Variants in CDH12 observed in about 807,000 individuals in gnomAD.
CDH12 encodes the protein cadherin-12.
In CDH12, 41 loss-of-function variants were observed where a neutral mutation model predicts 74.1. The ratio of observed to expected loss-of-function variants is 0.55; its 90% CI spans 0.43 to 0.72. CDH12 has a LOEUF of 0.72. Among genes scored for constraint, CDH12 ranks in the 30% least tolerant of loss-of-function variants. CDH12 has a pLI of 0.00. For missense variants in CDH12, 945 were observed against 977.2 expected (o/e 0.97, Z 0.44); for synonymous variants, 399 against 355.0 (o/e 1.12, Z -1.39).
At chr5:22,245,309 G>C (rs193245530) in intron 3 of CDH12, among the ~76,000 whole-genome samples, 146 of 152,226 alleles carry the variant, frequency 9.6e-4, no homozygotes, top group African/African-American at 3.2e-3. Context: ...AGATGGCTTT[G>C]AGCAGCATCA....
intron 1 of CDH12, among the ~76,000 whole-genome samples, chr5:22,753,789 C>T (rs1445773918): frequency 6.6e-6 from 1 of 151,694 alleles, no homozygotes. Context: ...CTCTTTTGGT[C>T]CTCTAAATTT....
chr5:22,263,967 T>C (rs927291912), intron 3 of CDH12, among the ~76,000 whole-genome samples: 12 of 152,180 alleles, frequency 7.9e-5, no homozygotes, highest in African/African-American at 2.4e-4. Context: ...TGCCATTTGC[T>C]AATTTCTTTT....
At chr5:21,846,621 T>G (rs1337331588) in intron 7 of CDH12, among the ~76,000 whole-genome samples, 1 of 152,176 alleles carries the variant, frequency 6.6e-6, no homozygotes, top group Non-Finnish European at 1.5e-5. Flanking sequence ...GATTTTATTC[T>G]CATTTTTTTC....
At chr5:22,231,375 T>A (rs1752378097) in intron 3 of CDH12, among the ~76,000 whole-genome samples, 1 of 151,670 alleles carries the variant, frequency 6.6e-6, no homozygotes, top group African/African-American at 2.4e-5. Flanking sequence ...GTTTTCTTAA[T>A]TATTTTAATG....
chr5:22,830,284 A>G, intron 1 of CDH12, among the ~76,000 whole-genome samples: 1 of 152,194 alleles, frequency 6.6e-6, no homozygotes, highest in Non-Finnish European at 1.5e-5. Context: ...TAATAGGTAT[A>G]TGAAAATAAC....
Position 22,758,473 on chromosome 5 carries a change from G to A in CDH12, c.-523+94585C>T, listed in dbSNP as rs150779616. Among the ~76,000 whole-genome samples the A allele has an allele frequency of 2.0e-5, 3 of 150,906 alleles. No homozygotes were observed. In the East Asian group the frequency reaches 5.8e-4, roughly 29 times the overall value. On this transcript the variant is annotated intron_variant, in intron 1 of 14. Transcript: ENST00000382254. Reference sequence around the variant, plus strand: ...ATTCCCAGATGAAAACTACGAAGTTGTAAACTATAAAAGGGAAGATTAAAC... The same window carrying A: ...ATTCCCAGATGAAAACTACGAAGTTATAAACTATAAAAGGGAAGATTAAAC...
intron 1 of CDH12, among the ~76,000 whole-genome samples, chr5:22,766,272 A>G (rs1746509777): frequency 6.6e-6 from 1 of 152,042 alleles, no homozygotes. Context: ...TATCTTAGAA[A>G]AATATTTGCA....
chr5:22,723,513 A>C (rs1744006659), intron 1 of CDH12, among the ~76,000 whole-genome samples: 1 of 152,094 alleles, frequency 6.6e-6, no homozygotes, highest in Admixed American at 6.6e-5. Context: ...TCAAGAGCTA[A>C]GAGTTAAGAT....
chr5:22,335,696 T>C (rs1580535581), intron 3 of CDH12, among the ~76,000 whole-genome samples: 1 of 152,154 alleles, frequency 6.6e-6, no homozygotes, highest in Non-Finnish European at 1.5e-5. Context: ...CCTTCCACCA[T>C]GTTTGTGAGG....
intron 4 of CDH12, among the ~76,000 whole-genome samples, chr5:22,104,130 T>C (rs757180487): frequency 5.9e-5 from 9 of 152,186 alleles, no homozygotes; most frequent in Non-Finnish European, 1.3e-4. Context: ...GCTAATCAAA[T>C]AGTAACAGAA....
intron 1 of CDH12, among the ~76,000 whole-genome samples, chr5:22,623,852 G>C (rs1738120625): frequency 1.3e-5 from 2 of 152,150 alleles, no homozygotes; most frequent in African/African-American, 4.8e-5. Context: ...AGCCCGCATT[G>C]CCAAGACAAT....
chr5:22,460,219 A>G (rs1418576308), intron 2 of CDH12, among the ~76,000 whole-genome samples: 4 of 152,156 alleles, frequency 2.6e-5, no homozygotes, highest in African/African-American at 7.2e-5. Context: ...CTGTAATATA[A>G]TTTATTTTTT....
At chr5:22,206,791 T>C (rs1378236642) in intron 4 of CDH12, among the ~76,000 whole-genome samples, 3 of 151,046 alleles carry the variant, frequency 2.0e-5, no homozygotes, top group African/African-American at 7.3e-5. Flanking sequence ...GATAACTTTG[T>C]CAAAATTTAT....
At chr5:22,254,447 A>T (rs1206219672) in intron 3 of CDH12, among the ~76,000 whole-genome samples, 1 of 151,828 alleles carries the variant, frequency 6.6e-6, no homozygotes, top group Admixed American at 6.6e-5. Context: ...ACCAAGAAAA[A>T]CATCAACAAT....
At position 21,918,212 on chromosome 5, in the gene CDH12, T is replaced by C. The variant is rs553437089; in HGVS notation, c.526+56879A>G. The stretch of plus-strand genomic sequence containing the variant: ...AAATTAGTATTTTATAGTGTTACTT[T>C]ATTATTAATCACAGCACACTGAAAA... On this transcript the variant is annotated intron_variant, in intron 6 of 14. Transcript: ENST00000382254. Among the ~76,000 whole-genome samples the C allele has an allele frequency of 9.4e-4, 143 of 152,296 alleles. 1 individual carries two copies. Among genetic ancestry groups the C allele is most frequent in the African/African-American group, 3.2e-3 (135 of 41,570 alleles).
At chr5:22,755,009 C>A (rs1379257411) in intron 1 of CDH12, among the ~76,000 whole-genome samples, 1 of 152,126 alleles carries the variant, frequency 6.6e-6, no homozygotes, top group Non-Finnish European at 1.5e-5. Flanking sequence ...ATGTCACTTA[C>A]AAACAGTAAT....
chr5:21,788,811 G>A (rs935175227), intron 10 of CDH12, among the ~76,000 whole-genome samples: 1 of 152,012 alleles, frequency 6.6e-6, no homozygotes, highest in Non-Finnish European at 1.5e-5. Flanking sequence ...ACTTCATACA[G>A]TCATCAGTTT....
intron 3 of CDH12, among the ~76,000 whole-genome samples, chr5:22,271,364 T>A (rs1299333554): frequency 1.3e-5 from 2 of 152,182 alleles, no homozygotes; most frequent in Non-Finnish European, 2.9e-5. Context: ...ACTTCTAATG[T>A]TGGCTCTCTT....
In CDH12 at chr5:22,800,865, C is replaced by T. The variant is rs1042314888; in HGVS notation, c.-523+52193G>A. On this transcript the variant is annotated intron_variant, in intron 1 of 14. Coordinates refer to ENST00000382254, the MANE Select transcript of CDH12 (RefSeq NM_004061.5). ...TTTAGGGTTCCTCCTTGTCTTTTCA[C>T]GGCTCGATAGATTATATTTTTTAGC... 1.8e-4 allele frequency among the ~76,000 whole-genome samples: 27 copies of T among 152,172 alleles called. No homozygotes were observed. The East Asian group carries it at 3.3e-3, about 19-fold the overall frequency.
Sources: gnomAD v4.1 joint callset for allele counts (sites outside exome capture counted in the v4.1 genomes callset) on GRCh38, gnomAD v4.1.1 for gene constraint, MANE v1.5 for transcripts, NCBI Gene and HGNC (gene_info 2026-07-23, HGNC 2026-07-21) for gene names.